Variants in CNTNAP2 observed in about 807,000 individuals in gnomAD.
CNTNAP2 encodes the protein contactin associated protein 2.
CNTNAP2 carries 98 observed loss-of-function variants against 155.2 expected under a neutral mutation model. The observed-to-expected ratio is 0.63, with a 90% CI of 0.54 to 0.75. The LOEUF (loss-of-function observed/expected upper bound fraction) is 0.75. CNTNAP2 is among the 30% of genes least tolerant of loss of function. The pLI is 0.00. For synonymous variants in CNTNAP2, 651 were observed against 631.2 expected, an observed-to-expected ratio of 1.03 and a Z score of -0.47; for missense variants, 1,727 against 1,688.1, an observed-to-expected ratio of 1.02 and a Z score of -0.40.
rs568028296 is a variant in CNTNAP2 at position 146,668,134 on chromosome 7, G to A, written c.98-106137G>A. The stretch of plus-strand genomic sequence containing the variant: ...TGTAATATGTGCCTTTTATTATTTT[G>A]AGGTAATTTCCTTCTACACCTATTT... On this transcript the variant is annotated intron_variant, in intron 1 of 23. Transcript: ENST00000361727. 2.0e-4 allele frequency among the ~76,000 whole-genome samples: 30 copies of A among 151,738 alleles called. 1 individual carries two copies. The Middle Eastern group carries it at 0.017, about 86-fold the overall frequency.
intron 3 of CNTNAP2, among the ~76,000 whole-genome samples, chr7:146,914,918 C>T (rs1796364528): frequency 6.6e-6 from 1 of 151,800 alleles, no homozygotes; most frequent in South Asian, 2.1e-4. Context: ...AGGGTTTTCC[C>T]AATGTTATCT....
intron 8 of CNTNAP2, among the ~76,000 whole-genome samples, chr7:147,225,573 T>A (rs1172278660): frequency 6.6e-6 from 1 of 152,160 alleles, no homozygotes; most frequent in Non-Finnish European, 1.5e-5. Flanking sequence ...AGTAATGTCA[T>A]CAAAAACTTT....
intron 1 of CNTNAP2, among the ~76,000 whole-genome samples, chr7:146,646,475 T>C (rs1339243351): frequency 6.6e-6 from 1 of 152,190 alleles, no homozygotes; most frequent in African/African-American, 2.4e-5. Context: ...ATGTATAACA[T>C]ATAAGCTGTA....
At chr7:146,748,143 CT>C (rs61495352) in intron 1 of CNTNAP2, among the ~76,000 whole-genome samples, 184 of 97,992 alleles carry the variant, frequency 1.9e-3, no homozygotes, top group African/African-American at 5.0e-3. Context: ...CTTTTCTTTT[CT>C]TTTTTTTTTT....
chr7:148,007,882 T>C (rs1698923346), intron 15 of CNTNAP2, among the ~76,000 whole-genome samples: 1 of 152,148 alleles, frequency 6.6e-6, no homozygotes, highest in South Asian at 2.1e-4. Context: ...CCTAAAAAGG[T>C]ATCTGTGAGA....
intron 1 of CNTNAP2, among the ~76,000 whole-genome samples, chr7:146,470,961 A>G (rs1319145974): frequency 9.9e-5 from 15 of 152,264 alleles, no homozygotes; most frequent in Admixed American, 8.5e-4. Context: ...GAATTCTGTA[A>G]AAAGTCTTCC....
intron 14 of CNTNAP2, among the ~76,000 whole-genome samples, chr7:147,931,379 G>T (rs1404718880): frequency 6.6e-6 from 1 of 151,946 alleles, no homozygotes; most frequent in Non-Finnish European, 1.5e-5. Flanking sequence ...AAGAACTTAT[G>T]CTAATCCTTG....
intron 8 of CNTNAP2, among the ~76,000 whole-genome samples, chr7:147,155,070 C>T (rs947051036): frequency 9.2e-5 from 14 of 152,126 alleles, no homozygotes; most frequent in African/African-American, 1.4e-4. Flanking sequence ...CCACCACTCC[C>T]GCTCCCTGCC....
At chr7:146,439,903 C>T (rs1389860223) in intron 1 of CNTNAP2, among the ~76,000 whole-genome samples, 1 of 151,610 alleles carries the variant, frequency 6.6e-6, no homozygotes, top group Non-Finnish European at 1.5e-5. Flanking sequence ...GCCAGTGGAT[C>T]ACCTGAGGTC....
intron 1 of CNTNAP2, among the ~76,000 whole-genome samples, chr7:146,534,736 G>T (rs1476603606): frequency 6.6e-6 from 1 of 151,718 alleles, no homozygotes; most frequent in African/African-American, 2.4e-5. Context: ...ATTACCAGTA[G>T]AATTCTTTTC....
chr7:148,134,930 T>A (rs984640791), intron 16 of CNTNAP2, among the ~76,000 whole-genome samples: 1 of 151,128 alleles, frequency 6.6e-6, no homozygotes, highest in African/African-American at 2.4e-5. Flanking sequence ...TTATATATAC[T>A]TTTTTTTTAC....
intron 21 of CNTNAP2, among the ~76,000 whole-genome samples, chr7:148,337,430 C>T (rs115313228): frequency 3.3e-5 from 5 of 152,192 alleles, no homozygotes; most frequent in Admixed American, 6.5e-5. Context: ...GCTCCTTCAC[C>T]GTCAGATTCC....
chr7:146,792,405 T>C (rs1802690705), intron 2 of CNTNAP2, among the ~76,000 whole-genome samples: 1 of 152,222 alleles, frequency 6.6e-6, no homozygotes, highest in African/African-American at 2.4e-5. Context: ...AGATCAATTC[T>C]ATTAGAGGTG....
At chr7:147,758,680 C>CA (rs1285484237) in intron 13 of CNTNAP2, among the ~76,000 whole-genome samples, 2 of 151,836 alleles carry the variant, frequency 1.3e-5, no homozygotes, top group East Asian at 1.9e-4. Flanking sequence ...CCCATCTCTA[C>CA]AAAAAAATAC....
intron 1 of CNTNAP2, among the ~76,000 whole-genome samples, chr7:146,568,435 T>A (rs972610153): frequency 1.3e-5 from 2 of 152,212 alleles, no homozygotes; most frequent in African/African-American, 4.8e-5. Flanking sequence ...CTTTATATTG[T>A]CGTTAATTTA....
At chr7:146,988,172 A>G (rs1798147662) in intron 3 of CNTNAP2, among the ~76,000 whole-genome samples, 1 of 152,102 alleles carries the variant, frequency 6.6e-6, no homozygotes. Flanking sequence ...ATATGAGGAA[A>G]TGTCTTTTAA....
intron 1 of CNTNAP2, among the ~76,000 whole-genome samples, chr7:146,570,591 A>T (rs922837028): frequency 3.9e-5 from 6 of 152,164 alleles, no homozygotes; most frequent in African/African-American, 1.4e-4. Context: ...ATAAATGTGC[A>T]CATTTAACAT....
At chr7:146,887,553 A>C (rs1404328334) in intron 3 of CNTNAP2, among the ~76,000 whole-genome samples, 1 of 152,076 alleles carries the variant, frequency 6.6e-6, no homozygotes, top group East Asian at 1.9e-4. Flanking sequence ...AAAGCCATTG[A>C]ATCAGTTTTT....
chr7:147,629,499 C>G (rs1039593990), intron 12 of CNTNAP2, among the ~76,000 whole-genome samples: 1 of 151,352 alleles, frequency 6.6e-6, no homozygotes, highest in African/African-American at 2.4e-5. Flanking sequence ...AGTTACAGAA[C>G]GTTCTACTCA....
Sources: allele counts gnomAD v4.1 joint callset (sites outside exome capture counted in the v4.1 genomes callset), GRCh38; gene constraint gnomAD v4.1.1; transcripts MANE v1.5; gene names NCBI Gene and HGNC (gene_info 2026-07-23, HGNC 2026-07-21).